Variants in MARCKS observed in about 807,000 individuals in gnomAD.
MARCKS encodes myristoylated alanine rich protein kinase C substrate, also known as myristoylated alanine-rich C-kinase substrate.
In MARCKS, 4 loss-of-function variants were observed where a neutral mutation model predicts 6.3. The ratio of observed to expected loss-of-function variants is 0.63; its 90% CI spans 0.31 to 1.45. MARCKS has a LOEUF of 1.45. Among genes scored for constraint, MARCKS ranks in the 40% most tolerant of loss-of-function variants. The pLI is 0.07. For synonymous variants in MARCKS, 289 were observed against 236.5 expected (o/e 1.22, Z -2.04); for missense variants, 636 against 485.7 (o/e 1.31, Z -2.91).
chr6:113,860,357 G>A lies in MARCKS; in HGVS notation c.777G>A (p.Glu259=), dbSNP rs2114522122. The A allele has an allele frequency of 7.7e-7, 1 of 1,302,390 alleles. No homozygotes were observed. Among genetic ancestry groups the A allele is most frequent in the Admixed American group, 2.8e-5 (1 of 35,588 alleles). 80.7% of individuals were successfully genotyped at this position (1,302,390 alleles called of 1,614,324 possible). A position where few individuals can be genotyped will look rare whatever the true frequency, so the allele number is the denominator to read the frequency against. The change falls in exon 2 of 2, where the codon GAG becomes GAA. Residue 259 remains glutamate, a synonymous_variant. Coordinates refer to ENST00000612661, the MANE Select transcript of MARCKS (RefSeq NM_002356.7). The part of the protein sequence containing the change: ...PPASDETKAA[E]EPSKVEEKKA... ...CCAGCGACGAGACCAAGGCCGCCGA[G>A]GAGCCCAGCAAGGTGGAGGAGAAAA...
chr6:113,860,729 A>G lies in MARCKS; in HGVS notation c.*150A>G. The G allele has an allele frequency of 4.1e-6, 2 of 492,756 alleles. No individual in the cohort carries two copies. The highest frequency in any genetic ancestry group is 9.4e-5 in the Admixed American group (2 of 21,280). 30.5% of individuals were successfully genotyped at this position (492,756 alleles called of 1,614,324 possible). On this transcript the variant is annotated 3_prime_UTR_variant, in exon 2 of 2. Transcript: ENST00000612661. ...TTATTTTACTTTTTTTTAAGCACCA[A>G]ATTTTGTTGTTTTTTTTTTTTCTCC...
intron 1 of MARCKS, among the ~76,000 whole-genome samples, chr6:113,859,227 T>C (rs965659176): frequency 2.6e-5 from 4 of 152,182 alleles, no homozygotes; most frequent in Admixed American, 1.3e-4. Context: ...GAGGCCTTTA[T>C]GTATTTAGGG....
chr6:113,859,654 G>C (rs1774846290), intron 1 of MARCKS, 29 bp from the exon 2 acceptor site: 2 of 1,462,776 alleles, frequency 1.4e-6, no homozygotes, highest in Non-Finnish European at 1.8e-6. Flanking sequence ...GGCCGCTTCA[G>C]TGACGCTCCC....
chr6:113,862,445 TAGC>T lies in MARCKS; in HGVS notation c.*1868_*1870del, dbSNP rs1774916539. The T allele has an allele frequency of 1.3e-5, 2 of 150,974 alleles. No individual in the cohort carries two copies. The highest frequency in any genetic ancestry group is 1.5e-5 in the Non-Finnish European group (1 of 67,660). 9.4% of individuals were successfully genotyped at this position (150,974 alleles called of 1,614,324 possible). Reference sequence around the variant, plus strand: ...TTTTTTTTTTTTTTTGAAAGTGTGTTAGCATCTTGTTACTCAAAGGATAAGACA... The same window carrying T: ...TTTTTTTTTTTTTTTGAAAGTGTGTTATCTTGTTACTCAAAGGATAAGACA... On this transcript the variant is annotated 3_prime_UTR_variant, in exon 2 of 2. Transcript: ENST00000612661.
At chr6:113,857,942 C>A in intron 1 of MARCKS, 95 bp downstream of exon 1, 1 of 1,059,988 alleles carries the variant, frequency 9.4e-7, no homozygotes, top group Non-Finnish European at 1.4e-6. Flanking sequence ...AGGAGTGTGG[C>A]TGGATTCTAG....
Position 113,857,707 on chromosome 6 carries a change from C to A in MARCKS, c.-39C>A, listed in dbSNP as rs1291443378. 1 of 1,516,342 alleles carries A rather than the reference C, an allele frequency of 6.6e-7. No homozygotes were observed. 93.9% of individuals were successfully genotyped at this position (1,516,342 alleles called of 1,614,324 possible). On this transcript the variant is annotated 5_prime_UTR_variant, in exon 1 of 2. Coordinates refer to ENST00000612661, the MANE Select transcript of MARCKS (RefSeq NM_002356.7). ...ACCAACCCGAGGCTCTTTGTTTCCC[C>A]TCTTGGATCTGTTGAGTTTCTTTGT...
chr6:113,857,918 G>T (rs1774813261), intron 1 of MARCKS, 71 bp downstream of exon 1: 3 of 1,258,674 alleles, frequency 2.4e-6, no homozygotes, highest in Admixed American at 4.0e-5. Flanking sequence ...GGCTCCCAAG[G>T]CTCATTCGTG....
rs1774931737 is a variant in MARCKS, at chr6:113,863,320, ACT to A, written c.*2744_*2745del. On this transcript the variant is annotated 3_prime_UTR_variant, in exon 2 of 2. Coordinates refer to ENST00000612661, the MANE Select transcript of MARCKS (RefSeq NM_002356.7). ...CTTTGAGATTAAGGAAAAATAAATA[ACT>A]CTTGTACAGTTCAGTATTGTCTATT... The A allele has an allele frequency of 6.6e-6, 1 of 152,114 alleles. No individual in the cohort carries two copies. Among genetic ancestry groups the A allele is most frequent in the South Asian group, 2.1e-4 (1 of 4,830 alleles). 9.4% of individuals were successfully genotyped at this position (152,114 alleles called of 1,614,324 possible).
chr6:113,858,354 C>A (rs1246104353), intron 1 of MARCKS, among the ~76,000 whole-genome samples: 1 of 151,968 alleles, frequency 6.6e-6, no homozygotes, highest in Admixed American at 6.6e-5. Context: ...TATGCCGCGG[C>A]GGCGTGCCCT....
chr6:113,863,001 C>T lies in MARCKS; in HGVS notation c.*2422C>T, dbSNP rs1774926638. ...GTACAGTGCCTGGTATGTAGTAAGA[C>T]TCAGTAAAAAAGTGGATTTTTAAAA... On this transcript the variant is annotated 3_prime_UTR_variant, in exon 2 of 2. Transcript: ENST00000612661. 1 of 152,114 alleles carries T rather than the reference C, an allele frequency of 6.6e-6. No homozygotes were observed. Among genetic ancestry groups the T allele is most frequent in the Admixed American group, 6.5e-5 (1 of 15,272 alleles). 9.4% of individuals were successfully genotyped at this position (152,114 alleles called of 1,614,324 possible).
chr6:113,859,773 C>G lies in MARCKS; in HGVS notation c.193C>G (p.Pro65Ala). The change falls in exon 2 of 2, where the codon CCG (proline) becomes GCG (alanine). Residue 65 changes from proline to alanine, a missense_variant. By Grantham distance (27) the Pro-to-Ala change is conservative. Transcript: ENST00000612661. ...GGAGCTGCAGGCCAACGGCAGCGCC[C>G]CGGCCGCCGACAAGGAGGAGCCCGC... ...KEELQANGSA[P>A]AADKEEPAAA... is the part of the protein sequence containing the mutation. 1 of 1,452,610 alleles carries G rather than the reference C, an allele frequency of 6.9e-7. No homozygotes were observed. The highest frequency in any genetic ancestry group is 9.1e-7 in the Non-Finnish European group (1 of 1,103,922). 90.0% of individuals were successfully genotyped at this position (1,452,610 alleles called of 1,614,324 possible).
Position 113,860,049 on chromosome 6 carries a change from C to A in MARCKS, c.469C>A (p.Arg157Ser). The change falls in exon 2 of 2, where the codon CGC (arginine) becomes AGC (serine). Residue 157 changes from arginine to serine, a missense_variant. Physicochemically the swap from Arg to Ser is moderately radical, Grantham distance 110. Coordinates refer to ENST00000612661, the MANE Select transcript of MARCKS (RefSeq NM_002356.7). ...CGAGACCCCGAAAAAAAAAAAGAAGCGCTTTTCCTTCAAGAAGTCTTTCAA... is the reference window on the plus strand; with the variant it reads ...CGAGACCCCGAAAAAAAAAAAGAAGAGCTTTTCCTTCAAGAAGTCTTTCAA... ...SNETPKKKKK[R>S]FSFKKSFKLS... 1 of 1,572,472 alleles carries A rather than the reference C, an allele frequency of 6.4e-7. No individual in the cohort carries two copies. The highest frequency in any genetic ancestry group is 8.6e-7 in the Non-Finnish European group (1 of 1,162,328).
rs2114521605 is a variant in MARCKS at position 113,860,024 on chromosome 6, C to G, written c.444C>G (p.Asn148Lys). 3 of 1,568,556 alleles carry G rather than the reference C, an allele frequency of 1.9e-6. No homozygotes were observed. Among genetic ancestry groups the G allele is most frequent in the Non-Finnish European group, 2.6e-6 (3 of 1,161,648 alleles). The change falls in exon 2 of 2, where the codon AAC becomes AAG. Residue 148 changes from asparagine (N) to lysine (K), a missense_variant. Coordinates refer to ENST00000612661, the MANE Select transcript of MARCKS (RefSeq NM_002356.7). ...ACGGGGCCACGCCCTCGCCCAGCAA[C>G]GAGACCCCGAAAAAAAAAAAGAAGC... ...AEDGATPSPS[N>K]ETPKKKKKRF...
chr6:113,860,501 G>T lies in MARCKS; in HGVS notation c.921G>T (p.Ser307=). 1 of 1,525,152 alleles carries T rather than the reference G, an allele frequency of 6.6e-7. No homozygotes were observed. The highest frequency in any genetic ancestry group is 8.8e-7 in the Non-Finnish European group (1 of 1,137,272). The allele number at this position is 1,525,152 out of a possible 1,614,324, so 94.5% of individuals were successfully genotyped here. ...AGGAGCCCGCGGCCGCCGCAGCCTC[G>T]TCAGCCTGCGCAGCCCCCTCACAGG... ...PAEEPAAAAA[S]SACAAPSQEA... Residue 307 remains serine (S), a synonymous_variant, in exon 2 of 2, where the codon TCG becomes TCT. Transcript: ENST00000612661.
At chr6:113,857,905 G>T in intron 1 of MARCKS, 58 bp downstream of exon 1, 1 of 1,395,982 alleles carries the variant, frequency 7.2e-7, no homozygotes, top group Admixed American at 2.0e-5. Flanking sequence ...CTTCCCTCCT[G>T]GTGGCTCCCA....
At chr6:113,859,623 G>A in intron 1 of MARCKS, 60 bp from the exon 2 acceptor site, 1 of 1,397,598 alleles carries the variant, frequency 7.2e-7, no homozygotes, top group Admixed American at 2.9e-5. Context: ...CCAGGGCTGG[G>A]GGCGGGAATG....
rs539350596 is a variant in MARCKS, at chr6:113,860,102, C to G, written c.522C>G (p.Asn174Lys). Reference sequence around the variant, plus strand: ...TGAGCGGCTTCTCCTTCAAGAAGAACAAGAAGGAGGCTGGAGAAGGCGGTG... The same window carrying G: ...TGAGCGGCTTCTCCTTCAAGAAGAAGAAGAAGGAGGCTGGAGAAGGCGGTG... ...FKLSGFSFKK[N>K]KKEAGEGGEA... The change falls in exon 2 of 2, where the codon AAC becomes AAG. Residue 174 changes from asparagine (N) to lysine (K), a missense_variant. Physicochemically the swap from Asn to Lys is moderately conservative, Grantham distance 94 (BLOSUM62 0). Coordinates refer to ENST00000612661, the MANE Select transcript of MARCKS (RefSeq NM_002356.7). 28 of 1,562,110 alleles carry G rather than the reference C, an allele frequency of 1.8e-5. 1 individual carries two copies. In the South Asian group the frequency reaches 2.3e-4, roughly 13 times the overall value.
rs1236047986 is a variant in MARCKS at position 113,860,283 on chromosome 6, CAGG to C, written c.707_709del (p.Glu236del). On this transcript the variant is annotated inframe_deletion, in exon 2 of 2. Transcript: ENST00000612661. ...GGAGGGGGCGGCGGGTGGCGACCCG[CAGG>C]AGGCCAAGCCCCAGGAGGCCGCTGT... 12 of 1,228,910 alleles carry C rather than the reference CAGG, an allele frequency of 9.8e-6. No homozygotes were observed. Among genetic ancestry groups the C allele is most frequent in the Non-Finnish European group, 1.2e-5 (12 of 962,284 alleles). The allele number at this position is 1,228,910 out of a possible 1,614,324, so 76.1% of individuals were successfully genotyped here.
Position 113,857,547 on chromosome 6 carries a change from A to C in MARCKS, c.-199A>C. 8 of 528,974 alleles carry C rather than the reference A, an allele frequency of 1.5e-5. No homozygotes were observed. Among genetic ancestry groups the C allele is most frequent in the Non-Finnish European group, 2.3e-5 (7 of 298,130 alleles). The allele number at this position is 528,974 out of a possible 1,614,324, so 32.8% of individuals were successfully genotyped here. A position where few individuals can be genotyped will look rare whatever the true frequency, so the allele number is the denominator to read the frequency against. On this transcript the variant is annotated 5_prime_UTR_variant, in exon 1 of 2. Coordinates refer to ENST00000612661, the MANE Select transcript of MARCKS (RefSeq NM_002356.7). ...CTGCTGCTTTTTGATCTCTTCGACT[A>C]AAATTTTTTTATCCGGAGTGTATTT...
Sources: allele counts gnomAD v4.1 joint callset (sites outside exome capture counted in the v4.1 genomes callset), GRCh38; gene constraint gnomAD v4.1.1; transcripts MANE v1.5; gene names NCBI Gene and HGNC (gene_info 2026-07-23, HGNC 2026-07-21).